Variants in FNDC4 observed in about 807,000 individuals in gnomAD.
FNDC4 encodes fibronectin type III domain containing 4.
Under a neutral mutation model 25.1 loss-of-function variants are expected in FNDC4, and 11 were observed. The observed-to-expected ratio is 0.44, with a 90% CI of 0.28 to 0.73. The LOEUF is 0.73. Ranked by LOEUF, FNDC4 falls within the 30% of genes least tolerant of loss-of-function variation. The probability of loss-of-function intolerance (pLI) is 0.16; values close to 1 mark genes in which losing one functional copy is unlikely to be tolerated. For synonymous variants in FNDC4, 136 were observed against 118.8 expected (o/e 1.14, Z -0.94); for missense variants, 250 against 304.3 (o/e 0.82, Z 1.33).
Position 27,492,329 on chromosome 2 carries a change from T to C in FNDC4, c.*114A>G. On this transcript the variant is annotated 3_prime_UTR_variant, in exon 7 of 7. Coordinates refer to ENST00000264703, the MANE Select transcript of FNDC4 (RefSeq NM_022823.3). This position sits in a 1 kb window ranked among gnomAD's most constrained non-coding sequence, Gnocchi z 4.1. ...AGGATGGGTACCAGGCCTGAGATTGTGGGAGTGGCATTACCCTCTGGGAGT... is the reference window on the plus strand; with the variant it reads ...AGGATGGGTACCAGGCCTGAGATTGCGGGAGTGGCATTACCCTCTGGGAGT... 2 of 1,283,558 alleles carry C rather than the reference T, an allele frequency of 1.6e-6. No homozygotes were observed. Among genetic ancestry groups the C allele is most frequent in the Non-Finnish European group, 1.1e-6 (1 of 880,686 alleles). The allele number at this position is 1,283,558 out of a possible 1,614,324, so 79.5% of individuals were successfully genotyped here.
intron 5 of FNDC4, among the ~76,000 whole-genome samples, chr2:27,493,005 C>CT (rs35996315): frequency 0.074 from 7,921 of 107,130 alleles, 885 homozygotes; most frequent in African/African-American, 0.18. Context: ...ATTTCTCTTA[C>CT]TTTTTTTTTT....
chr2:27,492,483 G>C lies in FNDC4; in HGVS notation c.670-5C>G. On this transcript the variant is annotated splice_polypyrimidine_tract_variant and splice_region_variant and intron_variant, in intron 6 of 6. Transcript: ENST00000264703. The surrounding 1 kb of genome is among the most constrained non-coding windows in gnomAD (Gnocchi z 4.1). ...GTTGATAGATGGTGACTTTTTCTGTGAAAGAAAATGGCCTGAGTCTCAACT... is the reference window on the plus strand; with the variant it reads ...GTTGATAGATGGTGACTTTTTCTGTCAAAGAAAATGGCCTGAGTCTCAACT... 1 of 1,613,662 alleles carries C rather than the reference G, an allele frequency of 6.2e-7. No homozygotes were observed. The highest frequency in any genetic ancestry group is 1.1e-5 in the South Asian group (1 of 91,078).
Position 27,492,873 on chromosome 2 carries a change from A to C in FNDC4, c.545-83T>G. 6.5e-7 allele frequency: 1 copy of C among 1,542,098 alleles called. No homozygotes were observed. Among genetic ancestry groups the C allele is most frequent in the Non-Finnish European group, 8.9e-7 (1 of 1,124,262 alleles). On this transcript the variant is annotated intron_variant, in intron 5 of 6. Coordinates refer to ENST00000264703, the MANE Select transcript of FNDC4 (RefSeq NM_022823.3). This position sits in a 1 kb window ranked among gnomAD's most constrained non-coding sequence, Gnocchi z 4.1. ...CTACGTAGCTTCTAGAAAATCCATGAAGAACATCCTGAATTCCTGGTGCCC... is the reference window on the plus strand; with the variant it reads ...CTACGTAGCTTCTAGAAAATCCATGCAGAACATCCTGAATTCCTGGTGCCC...
rs1669275430 is a variant in FNDC4, at chr2:27,492,289, G to T, written c.*154C>A. Reference sequence around the variant, plus strand: ...CTGAACAGACCTACCTTCTGGCTCTGCTCACAGTGGAAAGAGGATGGGTAC... The same window carrying T: ...CTGAACAGACCTACCTTCTGGCTCTTCTCACAGTGGAAAGAGGATGGGTAC... On this transcript the variant is annotated 3_prime_UTR_variant, in exon 7 of 7. Coordinates refer to ENST00000264703, the MANE Select transcript of FNDC4 (RefSeq NM_022823.3). The surrounding 1 kb of genome is among the most constrained non-coding windows in gnomAD (Gnocchi z 4.1). The T allele has an allele frequency of 1.1e-6, 1 of 911,426 alleles. No homozygotes were observed. The highest frequency in any genetic ancestry group is 1.8e-6 in the Non-Finnish European group (1 of 559,256). 56.5% of individuals were successfully genotyped at this position (911,426 alleles called of 1,614,324 possible).
chr2:27,494,481 G>A lies in FNDC4; in HGVS notation c.134-15C>T, dbSNP rs1213954844. Reference sequence around the variant, plus strand: ...GGGAGGCCGGTCTGCGGGAGCCAGGGTGTTTAACAGGTTTCACCCATTGAC... The same window carrying A: ...GGGAGGCCGGTCTGCGGGAGCCAGGATGTTTAACAGGTTTCACCCATTGAC... On this transcript the variant is annotated splice_polypyrimidine_tract_variant and intron_variant, in intron 2 of 6. Transcript: ENST00000264703. The surrounding 1 kb of genome is among the most constrained non-coding windows in gnomAD (Gnocchi z 4.6). 6 of 1,613,634 alleles carry A rather than the reference G, an allele frequency of 3.7e-6. No homozygotes were observed. Among genetic ancestry groups the A allele is most frequent in the African/African-American group, 2.7e-5 (2 of 74,930 alleles).
chr2:27,494,258 G>A lies in FNDC4; in HGVS notation c.249+93C>T. The A allele has an allele frequency of 1.4e-6, 2 of 1,394,488 alleles. No homozygotes were observed. The highest frequency in any genetic ancestry group is 2.0e-6 in the Non-Finnish European group (2 of 994,130). 86.4% of individuals were successfully genotyped at this position (1,394,488 alleles called of 1,614,324 possible). ...AGCGTGAAAAGGGCAGCCTGAGCCA[G>A]GATACGCCAGCTTCCAGATCCCCCC... On this transcript the variant is annotated intron_variant, in intron 3 of 6. Coordinates refer to ENST00000264703, the MANE Select transcript of FNDC4 (RefSeq NM_022823.3). The surrounding 1 kb of genome is among the most constrained non-coding windows in gnomAD (Gnocchi z 4.6).
At position 27,494,761 on chromosome 2, in the gene FNDC4, G is replaced by A. The variant is rs1284947603; in HGVS notation, c.-24-58C>T. On this transcript the variant is annotated intron_variant, in intron 1 of 6. Transcript: ENST00000264703. The surrounding 1 kb of genome is among the most constrained non-coding windows in gnomAD (Gnocchi z 4.6). ...ACTGCCCAGAACGCACGGAGGTCGG[G>A]GGGCAGCAGCTCTCCTGGGCTCCCC... is the stretch of plus-strand genomic sequence containing the variant. The A allele has an allele frequency of 1.4e-5, 11 of 793,366 alleles. No homozygotes were observed. The highest frequency in any genetic ancestry group is 2.0e-5 in the Non-Finnish European group (10 of 509,270). 49.1% of individuals were successfully genotyped at this position (793,366 alleles called of 1,614,324 possible). A position where few individuals can be genotyped will look rare whatever the true frequency, so the allele number is the denominator to read the frequency against.
Position 27,494,034 on chromosome 2 carries a change from T to TGCA in FNDC4, c.347_349dup (p.Val116_Gln117insLeu). On this transcript the variant is annotated inframe_insertion, in exon 4 of 7. Coordinates refer to ENST00000264703, the MANE Select transcript of FNDC4 (RefSeq NM_022823.3). The surrounding 1 kb of genome is among the most constrained non-coding windows in gnomAD (Gnocchi z 4.6). ...TCCCCGAAGGCCGATGCTCCTGACC[T>TGCA]GCACTGTGTAGTCACTGTCTTCAGC... The TGCA allele has an allele frequency of 6.2e-7, 1 of 1,614,206 alleles. No individual in the cohort carries two copies. Among genetic ancestry groups the TGCA allele is most frequent in the South Asian group, 1.1e-5 (1 of 91,092 alleles).
rs1422297919 is a variant in FNDC4 at position 27,492,616 on chromosome 2, C to A, written c.669+50G>T. 5.0e-6 allele frequency: 8 copies of A among 1,612,106 alleles called. No homozygotes were observed. The South Asian group carries it at 6.6e-5, about 13-fold the overall frequency. ...TTGACCTTCTTCCTTTCCCTGGCTGCCCCTCAGGGGCAGAATCACCCTTTC... is the reference window on the plus strand; with the variant it reads ...TTGACCTTCTTCCTTTCCCTGGCTGACCCTCAGGGGCAGAATCACCCTTTC... On this transcript the variant is annotated intron_variant, in intron 6 of 6. Coordinates refer to ENST00000264703, the MANE Select transcript of FNDC4 (RefSeq NM_022823.3). This position sits in a 1 kb window ranked among gnomAD's most constrained non-coding sequence, Gnocchi z 4.1.
At position 27,492,338 on chromosome 2, in the gene FNDC4, C is replaced by T; in HGVS notation, c.*105G>A. The T allele has an allele frequency of 7.3e-7, 1 of 1,372,344 alleles. No individual in the cohort carries two copies. Among genetic ancestry groups the T allele is most frequent in the Non-Finnish European group, 1.0e-6 (1 of 960,708 alleles). 85.0% of individuals were successfully genotyped at this position (1,372,344 alleles called of 1,614,324 possible). On this transcript the variant is annotated 3_prime_UTR_variant, in exon 7 of 7. Transcript: ENST00000264703. The surrounding 1 kb of genome is among the most constrained non-coding windows in gnomAD (Gnocchi z 4.1). ...ACCAGGCCTGAGATTGTGGGAGTGGCATTACCCTCTGGGAGTCTCGGGCAG... is the reference window on the plus strand; with the variant it reads ...ACCAGGCCTGAGATTGTGGGAGTGGTATTACCCTCTGGGAGTCTCGGGCAG...
In FNDC4 at chr2:27,494,838, C is replaced by T. The variant is rs1050119962; in HGVS notation, c.-25+40G>A. On this transcript the variant is annotated intron_variant, in intron 1 of 6. Coordinates refer to ENST00000264703, the MANE Select transcript of FNDC4 (RefSeq NM_022823.3). The surrounding 1 kb of genome is among the most constrained non-coding windows in gnomAD (Gnocchi z 4.6). ...TACGCCCTCCCGCCCCCGCATTGCCCGGGCGGCCCCAGAGTGCGGTCCGCC... is the reference window on the plus strand; with the variant it reads ...TACGCCCTCCCGCCCCCGCATTGCCTGGGCGGCCCCAGAGTGCGGTCCGCC... 5.3e-6 allele frequency: 3 copies of T among 563,268 alleles called. No individual in the cohort carries two copies. The highest frequency in any genetic ancestry group is 6.0e-5 in the East Asian group (2 of 33,454). The allele number at this position is 563,268 out of a possible 1,614,324, so 34.9% of individuals were successfully genotyped here.
rs762636448 is a variant in FNDC4, at chr2:27,493,390, A to C, written c.543T>G (p.Ala181=). The C allele has an allele frequency of 4.3e-6, 7 of 1,613,038 alleles. No homozygotes were observed. In the East Asian group the frequency reaches 1.6e-4, roughly 36 times the overall value. Residue 181 remains alanine (A), a splice_region_variant and synonymous_variant, in exon 5 of 7, where the codon GCT becomes GCG. Coordinates refer to ENST00000264703, the MANE Select transcript of FNDC4 (RefSeq NM_022823.3). ...TCCCCTGTCTAGCTGCTTACTCACC[A>C]GCCCACATGAGCAACACCACCACAA... ...VIIVVVLLMW[A]AVIGLFCRQY...
chr2:27,492,269 C>G lies in FNDC4; in HGVS notation c.*174G>C. The G allele has an allele frequency of 1.3e-6, 1 of 759,090 alleles. No homozygotes were observed. Among genetic ancestry groups the G allele is most frequent in the South Asian group, 1.6e-5 (1 of 62,420 alleles). 47.0% of individuals were successfully genotyped at this position (759,090 alleles called of 1,614,324 possible). A position where few individuals can be genotyped will look rare whatever the true frequency, so the allele number is the denominator to read the frequency against. On this transcript the variant is annotated 3_prime_UTR_variant, in exon 7 of 7. Coordinates refer to ENST00000264703, the MANE Select transcript of FNDC4 (RefSeq NM_022823.3). The surrounding 1 kb of genome is among the most constrained non-coding windows in gnomAD (Gnocchi z 4.1). ...CAGGTCCAGGGGCACAGACTCTGAACAGACCTACCTTCTGGCTCTGCTCAC... is the reference window on the plus strand; with the variant it reads ...CAGGTCCAGGGGCACAGACTCTGAAGAGACCTACCTTCTGGCTCTGCTCAC...
At position 27,494,716 on chromosome 2, in the gene FNDC4, G is replaced by A. The variant is rs13012458; in HGVS notation, c.-24-13C>T. 1.3e-6 allele frequency: 2 copies of A among 1,483,724 alleles called. No individual in the cohort carries two copies. Among genetic ancestry groups the A allele is most frequent in the Middle Eastern group, 2.2e-4 (1 of 4,464 alleles). 91.9% of individuals were successfully genotyped at this position (1,483,724 alleles called of 1,614,324 possible). ...CCAGGCGGGGCTCCTGGAGATGGCA[G>A]GAGTTGTGGGGGGTCAAGGACTGCC... is the stretch of plus-strand genomic sequence containing the variant. On this transcript the variant is annotated splice_polypyrimidine_tract_variant and intron_variant, in intron 1 of 6. Coordinates refer to ENST00000264703, the MANE Select transcript of FNDC4 (RefSeq NM_022823.3). This position sits in a 1 kb window ranked among gnomAD's most constrained non-coding sequence, Gnocchi z 4.6.
Position 27,492,719 on chromosome 2 carries a change from T to A in FNDC4, c.616A>T (p.Lys206Ter). 6.2e-7 allele frequency: 1 copy of A among 1,613,988 alleles called. No individual in the cohort carries two copies. Among genetic ancestry groups the A allele is most frequent in the Non-Finnish European group, 8.5e-7 (1 of 1,179,982 alleles). The change falls in exon 6 of 7, where the codon AAG (lysine) becomes TAG (stop). Residue 206 changes from lysine to a stop codon, truncating the protein, a stop_gained. Transcript: ENST00000264703. LOFTEE classifies it high-confidence loss of function. This position sits in a 1 kb window ranked among gnomAD's most constrained non-coding sequence, Gnocchi z 4.1. The stretch of plus-strand genomic sequence containing the variant: ...GGACTCTGTTCCGGCCCCTTTCCCT[T>A]CTCCTTGGGATTGTTGTTGGAGTCA... Reference protein sequence around the residue: ...DNDSNNNPKEKGKGPEQSPQG... With the variant: ...DNDSNNNPKE
chr2:27,494,225 G>T lies in FNDC4; in HGVS notation c.250-91C>A, dbSNP rs888953922. 2.1e-6 allele frequency: 3 copies of T among 1,426,436 alleles called. No individual in the cohort carries two copies. The African/African-American group carries it at 4.2e-5, about 20-fold the overall frequency. The allele number at this position is 1,426,436 out of a possible 1,614,324, so 88.4% of individuals were successfully genotyped here. A position where few individuals can be genotyped will look rare whatever the true frequency, so the allele number is the denominator to read the frequency against. ...AGACTCTTCAACATCCAAGCACTCC[G>T]GGGGAGTAGCGTGAAAAGGGCAGCC... On this transcript the variant is annotated intron_variant, in intron 3 of 6. Coordinates refer to ENST00000264703, the MANE Select transcript of FNDC4 (RefSeq NM_022823.3). The surrounding 1 kb of genome is among the most constrained non-coding windows in gnomAD (Gnocchi z 4.6).
In FNDC4 at chr2:27,492,625, G is replaced by A. The variant is rs1409807602; in HGVS notation, c.669+41C>T. The A allele has an allele frequency of 6.2e-7, 1 of 1,613,244 alleles. No individual in the cohort carries two copies. Among genetic ancestry groups the A allele is most frequent in the South Asian group, 1.1e-5 (1 of 91,050 alleles). ...TTCCTTTCCCTGGCTGCCCCTCAGG[G>A]GCAGAATCACCCTTTCCGCCCTCAC... On this transcript the variant is annotated intron_variant, in intron 6 of 6. Transcript: ENST00000264703. This position sits in a 1 kb window ranked among gnomAD's most constrained non-coding sequence, Gnocchi z 4.1.
rs10206760 is a variant in FNDC4, at chr2:27,492,985, A to G, written c.545-195T>C. Reference sequence around the variant, plus strand: ...TCCCTCCTGAACTAAGTATCTCCCCACTCCACTCTATTTCTCTTACTTTTT... The same window carrying G: ...TCCCTCCTGAACTAAGTATCTCCCCGCTCCACTCTATTTCTCTTACTTTTT... On this transcript the variant is annotated intron_variant, in intron 5 of 6. Coordinates refer to ENST00000264703, the MANE Select transcript of FNDC4 (RefSeq NM_022823.3). The surrounding 1 kb of genome is among the most constrained non-coding windows in gnomAD (Gnocchi z 4.1). 1.2e-4 allele frequency among the ~76,000 whole-genome samples: 15 copies of G among 128,154 alleles called. No homozygotes were observed. Among genetic ancestry groups the G allele is most frequent in the Admixed American group, 8.2e-5 (1 of 12,172 alleles). The allele number at this position is 128,154 out of a possible 152,430, so 84.1% of individuals were successfully genotyped here.
intron 5 of FNDC4, among the ~76,000 whole-genome samples, chr2:27,493,063 C>A (rs1013764763): frequency 1.5e-5 from 2 of 137,768 alleles, no homozygotes; most frequent in Admixed American, 1.6e-4. Context: ...GGCTGGAGTG[C>A]AGTGGCATGA....
Sources: allele counts gnomAD v4.1 joint callset (sites outside exome capture counted in the v4.1 genomes callset), GRCh38; gene constraint gnomAD v4.1.1; non-coding constraint Gnocchi (gnomAD v3.1); transcripts MANE v1.5; gene names NCBI Gene and HGNC (gene_info 2026-07-23, HGNC 2026-07-21).